Variants in CCDC42 observed in about 807,000 individuals in gnomAD.
CCDC42 encodes coiled-coil domain-containing protein 42.
A neutral mutation model predicts 40.8 loss-of-function variants in CCDC42; 38 were observed. The ratio of observed to expected loss-of-function variants is 0.93; its 90% CI spans 0.72 to 1.22. CCDC42 has a LOEUF of 1.22. Ranked by LOEUF, CCDC42 falls within the 50% of genes most tolerant of loss-of-function variation. CCDC42 has a pLI of 0.00. For missense variants in CCDC42, 379 were observed against 416.5 expected (o/e 0.91, Z 0.78); for synonymous variants, 135 against 157.5 (o/e 0.86, Z 1.07).
In CCDC42 at chr17:8,741,686, G is replaced by A. The variant is rs1406864560; in HGVS notation, c.295-15C>T. On this transcript the variant is annotated splice_polypyrimidine_tract_variant and intron_variant, in intron 3 of 6. Coordinates refer to ENST00000293845, the MANE Select transcript of CCDC42 (RefSeq NM_144681.3). Reference sequence around the variant, plus strand: ...TGGTCGTTCTCCTGGGGCCCGGGGAGGTGGCGCTGGTCAGGAAGCCTCGCC... The same window carrying A: ...TGGTCGTTCTCCTGGGGCCCGGGGAAGTGGCGCTGGTCAGGAAGCCTCGCC... 3.7e-6 allele frequency: 6 copies of A among 1,609,626 alleles called. No homozygotes were observed. In the Admixed American group the frequency reaches 8.4e-5, roughly 23 times the overall value.
rs770877569 is a variant in CCDC42, at chr17:8,735,124, A to G, written c.845T>C (p.Leu282Pro). The G allele has an allele frequency of 6.2e-7, 1 of 1,614,094 alleles. No homozygotes were observed. Among genetic ancestry groups the G allele is most frequent in the South Asian group, 1.1e-5 (1 of 91,076 alleles). ...GTCCAGCTGCTTGTGGGTGTCCTCCAGTGCCACCTCAGTCACCTCCTTCAG... is the reference window on the plus strand; with the variant it reads ...GTCCAGCTGCTTGTGGGTGTCCTCCGGTGCCACCTCAGTCACCTCCTTCAG... ...KHLKEVTEVA[L>P]EDTHKQLDMI... Residue 282 changes from leucine to proline, a missense_variant, in exon 6 of 7, where the codon CTG (leucine) becomes CCG (proline). Leu to Pro is a moderately conservative substitution (Grantham distance 98, BLOSUM62 -3). Transcript: ENST00000293845. The surrounding 1 kb of genome is among the most constrained non-coding windows in gnomAD (Gnocchi z 4.7).
At chr17:8,738,665 C>T (rs929095938) in intron 4 of CCDC42, among the ~76,000 whole-genome samples, 4 of 152,128 alleles carry the variant, frequency 2.6e-5, no homozygotes, top group Middle Eastern at 3.4e-3. Flanking sequence ...AGGGTTTCAC[C>T]GTGTTGGCCA....
rs778933103 is a variant in CCDC42, at chr17:8,735,539, C to T, written c.565G>A (p.Ala189Thr). 2 of 1,614,120 alleles carry T rather than the reference C, an allele frequency of 1.2e-6. No individual in the cohort carries two copies. Among genetic ancestry groups the T allele is most frequent in the South Asian group, 2.2e-5 (2 of 91,086 alleles). The change falls in exon 5 of 7, where the codon GCG (alanine) becomes ACG (threonine). Residue 189 changes from alanine (A) to threonine (T), a missense_variant. Physicochemically the swap from Ala to Thr is moderately conservative, Grantham distance 58. Coordinates refer to ENST00000293845, the MANE Select transcript of CCDC42 (RefSeq NM_144681.3). The surrounding 1 kb of genome is among the most constrained non-coding windows in gnomAD (Gnocchi z 4.7). ...VSMRHDLMQS[A>T]QEGQEKIERA... ...TCAATCTTCTCCTGGCCTTCCTGCG[C>T]AGACTGCATGAGGTCGTGGCGCATG...
chr17:8,741,514 A>T lies in CCDC42; in HGVS notation c.452T>A (p.Ile151Asn). 4 of 1,614,190 alleles carry T rather than the reference A, an allele frequency of 2.5e-6. No individual in the cohort carries two copies. The highest frequency in any genetic ancestry group is 3.4e-6 in the Non-Finnish European group (4 of 1,180,032). ...CACCTTCTCTAGGTACTTGTTGAAG[A>T]TGTAGTAGTCCTTCAGCTTGGCGCT... ...RLSAKLKDYY[I>N]FNKYLEKVVE... Residue 151 changes from isoleucine to asparagine, a missense_variant, in exon 4 of 7, where the codon ATC (isoleucine) becomes AAC (asparagine). By Grantham distance (149) the Ile-to-Asn change is moderately radical (BLOSUM62 -3). Transcript: ENST00000293845.
intron 2 of CCDC42, 128 bp from the exon 3 acceptor site, chr17:8,743,858 C>G (rs1476508020): frequency 1.0e-5 from 7 of 689,546 alleles, no homozygotes; most frequent in African/African-American, 7.1e-5. Flanking sequence ...GAGCCTCCCA[C>G]TTTCTACCCC....
chr17:8,730,887 G>A (rs1017692421), intron 6 of CCDC42, among the ~76,000 whole-genome samples: 6 of 152,158 alleles, frequency 3.9e-5, no homozygotes, highest in African/African-American at 1.2e-4. Context: ...TGGGCAGACC[G>A]CCTTCCACAA....
intron 2 of CCDC42, 58 bp downstream of exon 2, chr17:8,744,021 A>T: frequency 4.4e-5 from 47 of 1,065,984 alleles, no homozygotes; most frequent in Non-Finnish European, 5.7e-5. Flanking sequence ...GCTCTCCCAG[A>T]GCCCCAGCCC....
At chr17:8,737,269 CA>C (rs888823274) in intron 4 of CCDC42, among the ~76,000 whole-genome samples, 1 of 152,168 alleles carries the variant, frequency 6.6e-6, no homozygotes, top group African/African-American at 2.4e-5. Flanking sequence ...CTACTAGGAA[CA>C]CACCTCTAAA....
At chr17:8,733,333 G>A (rs146397775) in intron 6 of CCDC42, among the ~76,000 whole-genome samples, 2 of 152,334 alleles carry the variant, frequency 1.3e-5, no homozygotes, top group East Asian at 3.9e-4. Context: ...GGAATGAAGT[G>A]AGATATTTTC....
In CCDC42 at chr17:8,730,071, C is replaced by T. The variant is rs2086570278; in HGVS notation, c.*59G>A. 5.2e-6 allele frequency: 8 copies of T among 1,534,150 alleles called. No homozygotes were observed. In the African/African-American group the frequency reaches 8.2e-5, roughly 16 times the overall value. On this transcript the variant is annotated 3_prime_UTR_variant, in exon 7 of 7. Transcript: ENST00000293845. Reference sequence around the variant, plus strand: ...CGAGCTGGACTGACTGGACCGCAGGCTCACGACTTCTTCTTTCACGATCTC... The same window carrying T: ...CGAGCTGGACTGACTGGACCGCAGGTTCACGACTTCTTCTTTCACGATCTC...
rs759516330 is a variant in CCDC42 at position 8,744,511 on chromosome 17, G to A, written c.83+16C>T. ...CAGGCACAGAGGGGTGGGCAAGCCAGGCCTCAGACACTCACTGGAGCATCT... is the reference window on the plus strand; with the variant it reads ...CAGGCACAGAGGGGTGGGCAAGCCAAGCCTCAGACACTCACTGGAGCATCT... On this transcript the variant is annotated intron_variant, in intron 1 of 6. Transcript: ENST00000293845. 2 of 1,605,876 alleles carry A rather than the reference G, an allele frequency of 1.2e-6. No individual in the cohort carries two copies. The highest frequency in any genetic ancestry group is 1.7e-5 in the Admixed American group (1 of 59,992).
chr17:8,736,977 AAGAG>A (rs141171927), intron 4 of CCDC42, among the ~76,000 whole-genome samples: 5,719 of 148,720 alleles, frequency 0.038, 153 homozygotes, highest in Non-Finnish European at 0.055. Flanking sequence ...AAGAAGAAGA[AAGAG>A]AGAGAGGGAG....
intron 3 of CCDC42, among the ~76,000 whole-genome samples, chr17:8,742,796 C>G (rs2086653228): frequency 6.6e-6 from 1 of 152,198 alleles, no homozygotes; most frequent in South Asian, 2.1e-4. Flanking sequence ...AGGGAAGCCC[C>G]TGGGGTCTGT....
chr17:8,737,809 G>A (rs1256978743), intron 4 of CCDC42, among the ~76,000 whole-genome samples: 1 of 152,124 alleles, frequency 6.6e-6, no homozygotes, highest in Admixed American at 6.5e-5. Flanking sequence ...TGTACAAAAA[G>A]CATCCGTGCA....
chr17:8,736,956 G>T lies in CCDC42; in HGVS notation c.493-1345C>A, dbSNP rs549796040. On this transcript the variant is annotated intron_variant, in intron 4 of 6. Transcript: ENST00000293845. ...GAAGAAGAAAGAAAGAGGGAAGGAG[G>T]AAGGAAGAAGAAGAAGAAGAAAGAG... Among the ~76,000 whole-genome samples the T allele has an allele frequency of 2.1e-3, 290 of 140,734 alleles. 2 individuals carry two copies. Among genetic ancestry groups the T allele is most frequent in the African/African-American group, 7.5e-3 (275 of 36,430 alleles). 92.3% of individuals were successfully genotyped at this position (140,734 alleles called of 152,430 possible). A position where few individuals can be genotyped will look rare whatever the true frequency, so the allele number is the denominator to read the frequency against.
intron 4 of CCDC42, among the ~76,000 whole-genome samples, chr17:8,740,089 C>T (rs2086632725): frequency 6.6e-6 from 1 of 152,148 alleles, no homozygotes; most frequent in Non-Finnish European, 1.5e-5. Context: ...GGATCCACAC[C>T]CCTGGAGGAG....
chr17:8,741,721 CG>C (rs1168690692), intron 3 of CCDC42, 50 bp from the exon 4 acceptor site: 2 of 1,571,144 alleles, frequency 1.3e-6, no homozygotes, highest in Non-Finnish European at 8.6e-7. Flanking sequence ...CCAGCCCTCC[CG>C]GGGCCCAGGC....
At chr17:8,743,823 TC>T in intron 2 of CCDC42, 93 bp from the exon 3 acceptor site, 1 of 797,632 alleles carries the variant, frequency 1.3e-6, no homozygotes, top group Non-Finnish European at 2.1e-6. Flanking sequence ...AGAGGCTCCA[TC>T]CCCAGGCCCA....
At chr17:8,732,027 G>A (rs1444885232) in intron 6 of CCDC42, among the ~76,000 whole-genome samples, 31 of 151,870 alleles carry the variant, frequency 2.0e-4, no homozygotes, top group African/African-American at 5.8e-4. Flanking sequence ...AAGGCCGGGC[G>A]CGGTGGCTCA....
Sources: allele counts gnomAD v4.1 joint callset (sites outside exome capture counted in the v4.1 genomes callset), GRCh38; gene constraint gnomAD v4.1.1; non-coding constraint Gnocchi (gnomAD v3.1); transcripts MANE v1.5; gene names NCBI Gene and HGNC (gene_info 2026-07-23, HGNC 2026-07-21).